The following TBC1D22A variants were observed in gnomAD, a reference collection of about 807,000 sequenced individuals.
The protein encoded by TBC1D22A is putative GTPase activator.
TBC1D22A carries 38 observed loss-of-function variants against 60.2 expected under a neutral mutation model. That is an observed-to-expected ratio of 0.63 (90% confidence interval 0.49 to 0.83). The LOEUF is 0.83. TBC1D22A is among the 40% of genes least tolerant of loss of function. TBC1D22A has a pLI of 0.00. For synonymous variants in TBC1D22A, 302 were observed against 281.7 expected, an observed-to-expected ratio of 1.07 and a Z score of -0.72; for missense variants, 628 against 701.0, an observed-to-expected ratio of 0.90 and a Z score of 1.18.
At chr22:46,997,211 AGCACCGG>A (rs2075148678) in intron 9 of TBC1D22A, among the ~76,000 whole-genome samples, 1 of 152,242 alleles carries the variant, frequency 6.6e-6, no homozygotes, top group Non-Finnish European at 1.5e-5. Flanking sequence ...TGGTGCTGTC[AGCACCGG>A]GCACCTTTGC....
At chr22:46,985,829 G>C (rs1317226827) in intron 9 of TBC1D22A, among the ~76,000 whole-genome samples, 1 of 152,194 alleles carries the variant, frequency 6.6e-6, no homozygotes, top group Admixed American at 6.5e-5. Flanking sequence ...TTCCGATTCT[G>C]ATAGCAATCC....
At chr22:46,792,943 T>C in intron 2 of TBC1D22A, 2 of 1,209,282 alleles carry the variant, frequency 1.7e-6, no homozygotes, top group Admixed American at 3.1e-5. Context: ...GGCCCTGGCC[T>C]GTCCTGGCCC....
intron 11 of TBC1D22A, among the ~76,000 whole-genome samples, chr22:47,037,577 G>A (rs942386059): frequency 2.0e-5 from 3 of 152,204 alleles, no homozygotes; most frequent in Non-Finnish European, 4.4e-5. Flanking sequence ...GTTGCAGGGA[G>A]CCAAGCTTGC....
chr22:46,948,056 T>G (rs768332345), intron 8 of TBC1D22A, among the ~76,000 whole-genome samples: 8 of 152,170 alleles, frequency 5.3e-5, no homozygotes, highest in Non-Finnish European at 1.2e-4. Context: ...CGTTGGGTTG[T>G]CTAGGAAACA....
intron 11 of TBC1D22A, among the ~76,000 whole-genome samples, chr22:47,074,810 C>A (rs1297603195): frequency 3.9e-5 from 6 of 152,218 alleles, no homozygotes; most frequent in Admixed American, 3.9e-4. Context: ...AGTCTGCACA[C>A]CGCAGCCTGG....
chr22:47,173,473 C>G, intron 12 of TBC1D22A, 25 bp from the exon 13 acceptor site: 1 of 1,613,184 alleles, frequency 6.2e-7, no homozygotes, highest in South Asian at 1.1e-5. Context: ...CCTCCTCTGA[C>G]CTGGGCTTGT....
intron 1 of TBC1D22A, among the ~76,000 whole-genome samples, chr22:46,779,918 G>A (rs17762038): frequency 0.088 from 13,445 of 152,276 alleles, 695 homozygotes; most frequent in Middle Eastern, 0.12. Context: ...TGGGTCTCAG[G>A]TACCACATGT....
intron 12 of TBC1D22A, among the ~76,000 whole-genome samples, chr22:47,132,651 G>A (rs1426161849): frequency 6.6e-6 from 1 of 152,200 alleles, no homozygotes; most frequent in Non-Finnish European, 1.5e-5. Flanking sequence ...GCCGTGTTGG[G>A]AGTCCTGTCC....
At chr22:46,854,946 T>G (rs1340041699) in intron 4 of TBC1D22A, among the ~76,000 whole-genome samples, 1 of 152,204 alleles carries the variant, frequency 6.6e-6, no homozygotes, top group Non-Finnish European at 1.5e-5. Context: ...TGATAAAACA[T>G]AGAATACTCC....
At chr22:46,992,431 G>C (rs2074979323) in intron 9 of TBC1D22A, among the ~76,000 whole-genome samples, 1 of 152,266 alleles carries the variant, frequency 6.6e-6, no homozygotes, top group Non-Finnish European at 1.5e-5. Flanking sequence ...GAGGAGAGCA[G>C]GTGCCCAGGG....
intron 12 of TBC1D22A, among the ~76,000 whole-genome samples, chr22:47,165,527 G>A (rs1405345474): frequency 8.1e-5 from 12 of 148,520 alleles, no homozygotes; most frequent in Non-Finnish European, 1.5e-5. Context: ...TCTGGAGCAG[G>A]CATGTCGCCT....
At chr22:47,143,361 C>G (rs2067175912) in intron 12 of TBC1D22A, among the ~76,000 whole-genome samples, 1 of 152,184 alleles carries the variant, frequency 6.6e-6, no homozygotes, top group Non-Finnish European at 1.5e-5. Context: ...TTCCTGAAAA[C>G]AAAGAAAAGG....
At chr22:46,927,666 G>C (rs1453456708) in intron 8 of TBC1D22A, among the ~76,000 whole-genome samples, 3 of 152,150 alleles carry the variant, frequency 2.0e-5, no homozygotes, top group Non-Finnish European at 4.4e-5. Flanking sequence ...GTAGATGACA[G>C]GATCTTGTAT....
chr22:46,972,907 G>A (rs995993465), intron 8 of TBC1D22A, among the ~76,000 whole-genome samples: 15 of 152,168 alleles, frequency 9.9e-5, no homozygotes, highest in South Asian at 2.1e-4. Context: ...ACCCTCCCAC[G>A]TTCCCGCAGG....
chr22:47,126,977 C>T (rs1305130646), intron 12 of TBC1D22A, among the ~76,000 whole-genome samples: 3 of 152,246 alleles, frequency 2.0e-5, no homozygotes, highest in Non-Finnish European at 2.9e-5. Flanking sequence ...CGATTTTTCA[C>T]ACGCATAGGC....
intron 11 of TBC1D22A, among the ~76,000 whole-genome samples, chr22:47,108,141 G>A (rs1307627981): frequency 6.6e-6 from 1 of 152,214 alleles, no homozygotes; most frequent in Admixed American, 6.5e-5. Flanking sequence ...AAAACTAGTG[G>A]CAGTTTTTTC....
chr22:46,797,446 A>G lies in TBC1D22A; in HGVS notation c.463A>G (p.Ser155Gly). Reference protein sequence around the residue: ...SESHTSCPAESASDAAPLQRS... With the variant: ...SESHTSCPAEGASDAAPLQRS... ...CCCCCATTCTCTCACCCCTGCAGAA[A>G]GTGCCAGCGATGCCGCCCCTCTGCA... The change falls in exon 4 of 13, where the codon AGT (serine) becomes GGT (glycine). Residue 155 changes from serine (S) to glycine (G), a missense_variant and splice_region_variant. Coordinates refer to ENST00000337137, the MANE Select transcript of TBC1D22A (RefSeq NM_014346.5). 6.2e-7 allele frequency: 1 copy of G among 1,612,602 alleles called. No homozygotes were observed. Among genetic ancestry groups the G allele is most frequent in the Non-Finnish European group, 8.5e-7 (1 of 1,180,002 alleles).
intron 12 of TBC1D22A, among the ~76,000 whole-genome samples, chr22:47,136,089 A>C (rs908223950): frequency 3.9e-5 from 6 of 152,212 alleles, no homozygotes; most frequent in African/African-American, 1.4e-4. Context: ...AACCTCACGT[A>C]CGGAGGGAAG....
At chr22:46,904,142 TCTACCTACCTACCTACCTAC>T (rs11268390) in intron 7 of TBC1D22A, among the ~76,000 whole-genome samples, 4 of 134,500 alleles carry the variant, frequency 3.0e-5, no homozygotes, top group African/African-American at 1.2e-4. Context: ...TATCTATCTA[TCTACCTACCTACCTACCTAC>T]CTACCTACCT....
Sources: gnomAD v4.1 joint callset for allele counts (sites outside exome capture counted in the v4.1 genomes callset) on GRCh38, gnomAD v4.1.1 for gene constraint, MANE v1.5 for transcripts, NCBI Gene and HGNC (gene_info 2026-07-23, HGNC 2026-07-21) for gene names.